Variants in PPP4R3A observed in about 807,000 individuals in gnomAD.
The protein encoded by PPP4R3A is serine/threonine-protein phosphatase 4 regulatory subunit 3A.
A neutral mutation model predicts 91.7 loss-of-function variants in PPP4R3A; 15 were observed. The ratio of observed to expected loss-of-function variants is 0.16; its 90% CI spans 0.11 to 0.25. The LOEUF is 0.25. Ranked by LOEUF, PPP4R3A falls within the 10% of genes least tolerant of loss-of-function variation. PPP4R3A has a pLI of 1.00. For missense variants in PPP4R3A, 623 were observed against 998.4 expected, an observed-to-expected ratio of 0.62 and a Z score of 5.07; for synonymous variants, 377 against 348.7, an observed-to-expected ratio of 1.08 and a Z score of -0.91.
At chr14:91,493,948 G>C (rs1890386011) in intron 1 of PPP4R3A, among the ~76,000 whole-genome samples, 1 of 150,088 alleles carries the variant, frequency 6.7e-6, no homozygotes, top group Non-Finnish European at 1.5e-5. Context: ...ATTTTTAGTA[G>C]AGACAGGGTT....
intron 3 of PPP4R3A, among the ~76,000 whole-genome samples, chr14:91,484,909 G>C (rs913955537): frequency 6.6e-6 from 1 of 152,120 alleles, no homozygotes; most frequent in Non-Finnish European, 1.5e-5. Context: ...ATTCACAAAA[G>C]ATTGTGATTA....
Position 91,458,099 on chromosome 14 carries a change from CAAAAT to C in PPP4R3A, c.*655_*659del, listed in dbSNP as rs1213962447. ...AGGGGAGGAAAAAAAAAATCAAAAA[CAAAAT>C]AAAACAAAAAAATTATGACACAAAT... On this transcript the variant is annotated 3_prime_UTR_variant, in exon 15 of 15. Coordinates refer to ENST00000554943, the MANE Select transcript of PPP4R3A (RefSeq NM_001366432.2). 1.3e-5 allele frequency: 2 copies of C among 151,446 alleles called. No individual in the cohort carries two copies. The highest frequency in any genetic ancestry group is 2.4e-5 in the African/African-American group (1 of 40,964). The allele number at this position is 151,446 out of a possible 1,614,324, so 9.4% of individuals were successfully genotyped here.
At chr14:91,493,608 T>C (rs542594994) in intron 1 of PPP4R3A, among the ~76,000 whole-genome samples, 72 of 145,822 alleles carry the variant, frequency 4.9e-4, no homozygotes, top group Non-Finnish European at 6.5e-4. Flanking sequence ...TATAGGATGG[T>C]GAGACCCCAT....
chr14:91,499,628 C>T (rs1256869859), intron 1 of PPP4R3A, among the ~76,000 whole-genome samples: 1 of 151,850 alleles, frequency 6.6e-6, no homozygotes, highest in Non-Finnish European at 1.5e-5. Context: ...CAAGACCAGC[C>T]TGGCCAACAT....
chr14:91,489,619 A>G (rs1279452438), intron 2 of PPP4R3A, among the ~76,000 whole-genome samples: 1 of 152,210 alleles, frequency 6.6e-6, no homozygotes, highest in Non-Finnish European at 1.5e-5. Context: ...AAACAGTTTC[A>G]ATCTTTCCTT....
chr14:91,473,732 G>T (rs1242172911), intron 7 of PPP4R3A, among the ~76,000 whole-genome samples: 2 of 152,162 alleles, frequency 1.3e-5, no homozygotes, highest in Non-Finnish European at 2.9e-5. Flanking sequence ...AGAATATTTA[G>T]GTAGGATTTA....
chr14:91,491,079 G>C (rs1890210644), intron 1 of PPP4R3A, among the ~76,000 whole-genome samples: 1 of 151,284 alleles, frequency 6.6e-6, no homozygotes, highest in Non-Finnish European at 1.5e-5. Flanking sequence ...CTAATGTTTT[G>C]TATTTTTAGT....
intron 1 of PPP4R3A, among the ~76,000 whole-genome samples, chr14:91,503,748 A>T (rs544041543): frequency 6.6e-6 from 1 of 152,160 alleles, no homozygotes; most frequent in South Asian, 2.1e-4. Flanking sequence ...AAAGAAAGAA[A>T]AGTAGTATAA....
chr14:91,471,223 G>A (rs903306815), intron 9 of PPP4R3A, among the ~76,000 whole-genome samples: 3 of 152,004 alleles, frequency 2.0e-5, no homozygotes, highest in Non-Finnish European at 4.4e-5. Flanking sequence ...TTCACATTAT[G>A]AGCCTATTAA....
chr14:91,461,900 T>G, intron 13 of PPP4R3A, 149 bp downstream of exon 13: 2 of 1,285,054 alleles, frequency 1.6e-6, no homozygotes, highest in Non-Finnish European at 2.0e-6. Context: ...TACACAACAC[T>G]GCTATTCAGT....
chr14:91,501,057 A>G (rs1890915055), intron 1 of PPP4R3A, among the ~76,000 whole-genome samples: 2 of 152,104 alleles, frequency 1.3e-5, no homozygotes. Context: ...AAAAAACCCA[A>G]AAAACACCTT....
At chr14:91,492,006 T>C (rs774545923) in intron 1 of PPP4R3A, among the ~76,000 whole-genome samples, 2 of 152,196 alleles carry the variant, frequency 1.3e-5, no homozygotes, top group South Asian at 4.1e-4. Flanking sequence ...ACCCAGCCAA[T>C]AAATGTTTTA....
At chr14:91,487,382 C>T (rs10129510) in intron 2 of PPP4R3A, among the ~76,000 whole-genome samples, 2,739 of 151,416 alleles carry the variant, frequency 0.018, 84 homozygotes, top group African/African-American at 0.062. Context: ...TCATCTCATA[C>T]AAGAAATACT....
At chr14:91,471,810 T>TC (rs1888853304) in intron 9 of PPP4R3A, among the ~76,000 whole-genome samples, 1 of 152,102 alleles carries the variant, frequency 6.6e-6, no homozygotes, top group South Asian at 2.1e-4. Context: ...ACACCTATAA[T>TC]CCCAGCACTT....
chr14:91,468,190 T>TAG (rs1436727675), intron 10 of PPP4R3A, among the ~76,000 whole-genome samples: 2 of 152,172 alleles, frequency 1.3e-5, no homozygotes. Flanking sequence ...CAATGAAACA[T>TAG]AACTAAGATT....
intron 2 of PPP4R3A, among the ~76,000 whole-genome samples, chr14:91,490,145 C>T (rs1002675656): frequency 1.3e-5 from 2 of 152,160 alleles, no homozygotes; most frequent in South Asian, 2.1e-4. Flanking sequence ...GTGAAGCGCA[C>T]GCGCGTGTGT....
Position 91,461,423 on chromosome 14 carries a change from G to A in PPP4R3A, c.2349C>T (p.Ser783=), listed in dbSNP as rs781642936. ...CCGTCTGAGATGTATTTTTAGGTAC[G>A]GATCCAGGAGAGCCTGGAGATCCTG... ...GSPGSPGSPG[S]VPKNTSQTAA... Residue 783 remains serine (S), a synonymous_variant, in exon 14 of 15, where the codon TCC becomes TCT. Coordinates refer to ENST00000554943, the MANE Select transcript of PPP4R3A (RefSeq NM_001366432.2). The A allele has an allele frequency of 8.7e-6, 14 of 1,613,604 alleles. No homozygotes were observed. In the East Asian group the frequency reaches 1.1e-4, roughly 13 times the overall value.
intron 1 of PPP4R3A, among the ~76,000 whole-genome samples, chr14:91,500,550 C>T (rs892838432): frequency 6.6e-6 from 1 of 152,096 alleles, no homozygotes. Context: ...ACTGGTAACA[C>T]TGTACTGTTG....
At chr14:91,474,174 A>T (rs1889024952) in intron 7 of PPP4R3A, among the ~76,000 whole-genome samples, 1 of 152,246 alleles carries the variant, frequency 6.6e-6, no homozygotes, top group African/African-American at 2.4e-5. Context: ...TTAGGAAAAA[A>T]TTATCTGAAT....
Sources: allele counts gnomAD v4.1 joint callset (sites outside exome capture counted in the v4.1 genomes callset), GRCh38; gene constraint gnomAD v4.1.1; transcripts MANE v1.5; gene names NCBI Gene and HGNC (gene_info 2026-07-23, HGNC 2026-07-21).